The following ACOXL variants were observed in gnomAD, a reference collection of about 807,000 sequenced individuals.
The protein encoded by ACOXL is acyl-CoA oxidase like, also known as acyl-coenzyme A oxidase-like protein.
A neutral mutation model predicts 71.9 loss-of-function variants in ACOXL; 70 were observed. The ratio of observed to expected loss-of-function variants is 0.97; its 90% CI spans 0.80 to 1.19. ACOXL has a LOEUF of 1.19. ACOXL is among the 50% of genes most tolerant of loss of function. ACOXL has a pLI of 0.00. For synonymous variants in ACOXL, 253 were observed against 281.6 expected (o/e 0.90, Z 1.02); for missense variants, 703 against 736.3 (o/e 0.95, Z 0.52).
intron 10 of ACOXL, among the ~76,000 whole-genome samples, chr2:110,852,401 C>T (rs1285934400): frequency 1.3e-5 from 2 of 152,204 alleles, no homozygotes; most frequent in African/African-American, 4.8e-5. Context: ...GCAAGCCCAG[C>T]TTCAGGCTCT....
intron 11 of ACOXL, among the ~76,000 whole-genome samples, chr2:110,924,339 C>T (rs2060191841): frequency 6.6e-6 from 1 of 152,202 alleles, no homozygotes; most frequent in Admixed American, 6.5e-5. Context: ...CAACAATTGA[C>T]TCTTCCTTTC....
intron 9 of ACOXL, among the ~76,000 whole-genome samples, chr2:110,829,345 C>T (rs896904000): frequency 6.6e-6 from 1 of 152,176 alleles, no homozygotes; most frequent in African/African-American, 2.4e-5. Flanking sequence ...CAGCACTGGT[C>T]TCCTGCCTTA....
At chr2:110,915,350 A>ATATATATATATATATATG (rs1491355100) in intron 11 of ACOXL, among the ~76,000 whole-genome samples, 75 of 113,612 alleles carry the variant, frequency 6.6e-4, no homozygotes, top group Admixed American at 1.1e-3. Flanking sequence ...ATATATATAT[A>ATATATATATATATATATG]TGTGTGTGTG....
intron 16 of ACOXL, among the ~76,000 whole-genome samples, chr2:111,066,406 A>G (rs1235821750): frequency 6.6e-6 from 1 of 152,180 alleles, no homozygotes; most frequent in Non-Finnish European, 1.5e-5. Flanking sequence ...GGAAGGAAGT[A>G]GGTGTGGCTG....
intron 17 of ACOXL, chr2:111,098,307 A>T (rs1032278668): frequency 3.3e-5 from 5 of 152,180 alleles, no homozygotes; most frequent in African/African-American, 1.2e-4. Flanking sequence ...ACAGCTGACG[A>T]GCTAAAAAAA....
intron 10 of ACOXL, among the ~76,000 whole-genome samples, chr2:110,884,123 G>C (rs909541823): frequency 1.3e-5 from 2 of 152,194 alleles, no homozygotes; most frequent in Non-Finnish European, 2.9e-5. Context: ...ATTTATGTAA[G>C]TTTTAAGTAA....
intron 2 of ACOXL, 46 bp downstream of exon 2, chr2:110,768,510 G>A (rs1304370517): frequency 1.3e-6 from 2 of 1,505,240 alleles, no homozygotes; most frequent in South Asian, 1.2e-5. Flanking sequence ...GTGTGTGTGT[G>A]TGTGAGAGAG....
chr2:110,766,384 T>C lies in ACOXL; in HGVS notation c.-22-1984T>C, dbSNP rs1573407594. On this transcript the variant is annotated intron_variant, in intron 1 of 17. Transcript: ENST00000439055. The stretch of plus-strand genomic sequence containing the variant: ...GTGGCCATGTATATTCAGCTTCCTG[T>C]TGAGCCAACTTTGTTGAAAATGTAT... Among the ~76,000 whole-genome samples the C allele has an allele frequency of 3.3e-5, 5 of 152,330 alleles. No homozygotes were observed. The Middle Eastern group carries it at 0.017, about 518-fold the overall frequency.
intron 9 of ACOXL, among the ~76,000 whole-genome samples, chr2:110,835,990 C>T (rs946927828): frequency 1.3e-5 from 2 of 152,128 alleles, no homozygotes; most frequent in Admixed American, 6.5e-5. Flanking sequence ...CTGGAAAGGT[C>T]GGGGTTTGGC....
At chr2:110,930,878 T>C (rs1040283945) in intron 11 of ACOXL, among the ~76,000 whole-genome samples, 6 of 152,234 alleles carry the variant, frequency 3.9e-5, no homozygotes, top group Admixed American at 1.3e-4. Flanking sequence ...AAACTGTGTG[T>C]CCATTAAACC....
chr2:110,793,960 A>T, intron 4 of ACOXL, 116 bp from the exon 5 acceptor site: 1 of 1,052,210 alleles, frequency 9.5e-7, no homozygotes, highest in Non-Finnish European at 1.4e-6. Flanking sequence ...GCATTTTTAT[A>T]ATTTTCTCCA....
intron 10 of ACOXL, among the ~76,000 whole-genome samples, chr2:110,849,990 G>A (rs561038034): frequency 1.3e-5 from 2 of 152,262 alleles, no homozygotes; most frequent in East Asian, 1.9e-4. Context: ...CAACAAAGGC[G>A]CCAAAATGAT....
At chr2:110,923,338 G>A (rs1269554434) in intron 11 of ACOXL, among the ~76,000 whole-genome samples, 1 of 151,878 alleles carries the variant, frequency 6.6e-6, no homozygotes, top group Non-Finnish European at 1.5e-5. Context: ...TCTCTACTAA[G>A]GGTGTCACAT....
intron 15 of ACOXL, among the ~76,000 whole-genome samples, chr2:111,048,386 G>A (rs1404512321): frequency 6.6e-6 from 1 of 152,234 alleles, no homozygotes; most frequent in Non-Finnish European, 1.5e-5. Context: ...GGTTAACTTA[G>A]TAAAAGCCTT....
chr2:110,847,262 G>A (rs563169882), intron 10 of ACOXL, among the ~76,000 whole-genome samples: 41 of 152,160 alleles, frequency 2.7e-4, no homozygotes, highest in Admixed American at 4.6e-4. Flanking sequence ...GCAGAGTGAA[G>A]AAGGCTGCTC....
chr2:111,085,437 A>G (rs557713862), intron 16 of ACOXL, among the ~76,000 whole-genome samples: 1 of 152,180 alleles, frequency 6.6e-6, no homozygotes, highest in Non-Finnish European at 1.5e-5. Flanking sequence ...CCTCAAAACC[A>G]TATAATTACA....
chr2:110,932,995 G>C (rs1049934310), intron 11 of ACOXL, among the ~76,000 whole-genome samples: 3 of 152,172 alleles, frequency 2.0e-5, no homozygotes, highest in Non-Finnish European at 2.9e-5. Flanking sequence ...ACAGGCCTCT[G>C]CTGTTCCTCT....
At chr2:110,968,329 G>C in intron 12 of ACOXL, 1 of 1,186,354 alleles carries the variant, frequency 8.4e-7, no homozygotes, top group Non-Finnish European at 1.2e-6. Context: ...CCTGAAGGGA[G>C]CTGTGGCTGG....
chr2:111,012,856 A>T (rs952516830), intron 14 of ACOXL, among the ~76,000 whole-genome samples: 1 of 152,220 alleles, frequency 6.6e-6, no homozygotes, highest in Non-Finnish European at 1.5e-5. Flanking sequence ...AATATTTTTA[A>T]AAAGGTTTTA....
Sources: allele counts gnomAD v4.1 joint callset (sites outside exome capture counted in the v4.1 genomes callset), GRCh38; gene constraint gnomAD v4.1.1; transcripts MANE v1.5; gene names NCBI Gene and HGNC (gene_info 2026-07-23, HGNC 2026-07-21).